The following ARHGAP32 variants were observed in gnomAD, a reference collection of about 807,000 sequenced individuals.
The protein encoded by ARHGAP32 is rho GTPase-activating protein 32.
A neutral mutation model predicts 186.5 loss-of-function variants in ARHGAP32; 51 were observed. The ratio of observed to expected loss-of-function variants is 0.27; its 90% CI spans 0.22 to 0.35. The LOEUF is 0.35. ARHGAP32 is among the 10% of genes least tolerant of loss of function. The pLI is 1.00. For synonymous variants in ARHGAP32, 950 were observed against 964.3 expected, an observed-to-expected ratio of 0.99 and a Z score of 0.27; for missense variants, 2,186 against 2,623.5, an observed-to-expected ratio of 0.83 and a Z score of 3.64.
intron 9 of ARHGAP32, among the ~76,000 whole-genome samples, chr11:129,062,897 CTTCT>C (rs1182362856): frequency 1.5e-5 from 2 of 131,988 alleles, no homozygotes; most frequent in East Asian, 4.3e-4. Flanking sequence ...GACAACTACA[CTTCT>C]TTCAATAGAT....
chr11:129,085,979 G>GC (rs1941376639), intron 6 of ARHGAP32, among the ~76,000 whole-genome samples: 2 of 147,512 alleles, frequency 1.4e-5, no homozygotes, highest in South Asian at 4.2e-4. Context: ...GGGCAACAGA[G>GC]CAAGACTCCA....
intron 5 of ARHGAP32, among the ~76,000 whole-genome samples, chr11:129,111,391 G>T (rs1201457521): frequency 1.3e-5 from 2 of 152,126 alleles, no homozygotes; most frequent in African/African-American, 4.8e-5. Context: ...TCGGATTTTG[G>T]TGTTATGCTA....
chr11:129,030,361 C>G (rs925388515), intron 11 of ARHGAP32: 5 of 151,968 alleles, frequency 3.3e-5, no homozygotes, highest in Non-Finnish European at 5.9e-5. Context: ...AAATTTAGAA[C>G]AAAACAACTG....
chr11:128,994,298 G>C (rs1030351341), intron 12 of ARHGAP32, among the ~76,000 whole-genome samples: 13 of 151,996 alleles, frequency 8.6e-5, no homozygotes, highest in African/African-American at 2.9e-4. Context: ...AGGATTACAG[G>C]CATGCACCAC....
intron 11 of ARHGAP32, among the ~76,000 whole-genome samples, chr11:129,032,959 G>C (rs1181323824): frequency 6.6e-6 from 1 of 152,166 alleles, no homozygotes; most frequent in Non-Finnish European, 1.5e-5. Context: ...AAAGGTAACT[G>C]CTATCCTAAG....
At chr11:129,047,011 C>T (rs1365817825) in intron 10 of ARHGAP32, among the ~76,000 whole-genome samples, 2 of 151,834 alleles carry the variant, frequency 1.3e-5, no homozygotes, top group Non-Finnish European at 2.9e-5. Flanking sequence ...GCCTGTAGTC[C>T]CAGCTACTTG....
chr11:129,182,428 G>C (rs1254978402), intron 1 of ARHGAP32, among the ~76,000 whole-genome samples: 2 of 151,946 alleles, frequency 1.3e-5, no homozygotes, highest in East Asian at 3.9e-4. Flanking sequence ...ATTTTTCCCA[G>C]GTCGTCATAT....
chr11:128,996,893 C>G (rs887706665), intron 12 of ARHGAP32, among the ~76,000 whole-genome samples: 1 of 152,098 alleles, frequency 6.6e-6, no homozygotes, highest in Non-Finnish European at 1.5e-5. Flanking sequence ...GATTCTCCCA[C>G]CTTGGCCTCT....
intron 1 of ARHGAP32, among the ~76,000 whole-genome samples, chr11:129,253,272 G>C (rs1945209796): frequency 6.6e-6 from 1 of 152,070 alleles, no homozygotes; most frequent in Admixed American, 6.6e-5. Flanking sequence ...TGTGAATAAG[G>C]ACATATTTTG....
intron 2 of ARHGAP32, among the ~76,000 whole-genome samples, chr11:129,148,098 A>C (rs1295792317): frequency 6.6e-6 from 1 of 152,242 alleles, no homozygotes; most frequent in Non-Finnish European, 1.5e-5. Flanking sequence ...GGTGGATAGC[A>C]GACAATGCTA....
intron 11 of ARHGAP32, among the ~76,000 whole-genome samples, chr11:129,026,339 G>T (rs1205623650): frequency 1.3e-5 from 2 of 152,184 alleles, no homozygotes; most frequent in African/African-American, 4.8e-5. Flanking sequence ...GCCATCTAGT[G>T]ACTGTGTAGG....
intron 11 of ARHGAP32, among the ~76,000 whole-genome samples, chr11:129,031,515 G>A (rs1044125272): frequency 4.6e-5 from 7 of 152,192 alleles, no homozygotes; most frequent in Non-Finnish European, 8.8e-5. Context: ...AGTGTCACTA[G>A]TGTCCATTTT....
At chr11:129,209,237 T>A (rs1019136731) in intron 1 of ARHGAP32, among the ~76,000 whole-genome samples, 1 of 152,158 alleles carries the variant, frequency 6.6e-6, no homozygotes, top group Non-Finnish European at 1.5e-5. Flanking sequence ...TCAAGCTGGT[T>A]GAGCATTCAA....
At chr11:129,273,906 T>C (rs1945501692) in intron 1 of ARHGAP32, among the ~76,000 whole-genome samples, 1 of 152,254 alleles carries the variant, frequency 6.6e-6, no homozygotes, top group South Asian at 2.1e-4. Context: ...CCATAATGAA[T>C]GGTTCACACA....
intron 6 of ARHGAP32, among the ~76,000 whole-genome samples, chr11:129,086,774 T>C (rs1276762800): frequency 1.3e-4 from 20 of 149,292 alleles, no homozygotes; most frequent in Admixed American, 1.3e-4. Context: ...TGAGCCGAGA[T>C]TGCGCCACTG....
chr11:129,161,000 A>C (rs1943517984), intron 2 of ARHGAP32, among the ~76,000 whole-genome samples: 1 of 152,144 alleles, frequency 6.6e-6, no homozygotes, highest in Admixed American at 6.6e-5. Context: ...AAATAACGCC[A>C]CACATCTACG....
chr11:129,032,844 T>C (rs1939172405), intron 11 of ARHGAP32, among the ~76,000 whole-genome samples: 1 of 152,182 alleles, frequency 6.6e-6, no homozygotes, highest in Non-Finnish European at 1.5e-5. Context: ...ATGCTCAATA[T>C]CATGACATTT....
In ARHGAP32 at chr11:129,230,879, C is replaced by T. The variant is rs377050490; in HGVS notation, c.-5+48267G>A. On this transcript the variant is annotated intron_variant, in intron 1 of 6. Transcript: ENST00000525234. The stretch of plus-strand genomic sequence containing the variant: ...GCCAGGCACGGTGGCTCACACCTGT[C>T]ATCTCATCACTTTGGGAGGCCAAGG... Among the ~76,000 whole-genome samples the T allele has an allele frequency of 2.4e-3, 369 of 152,202 alleles. 2 individuals carry two copies. In the South Asian group the frequency reaches 0.033, roughly 14 times the overall value.
chr11:129,075,903 A>C lies in ARHGAP32; in HGVS notation c.532-9035T>G, dbSNP rs141707800. On this transcript the variant is annotated intron_variant, in intron 6 of 22. Coordinates refer to ENST00000682385, the MANE Select transcript of ARHGAP32 (RefSeq NM_001378024.1). Reference sequence around the variant, plus strand: ...AGACCTACTGGGCTGCATTCCGAGGAGGTTAGGCATTCTAAGTCACAGGAT... The same window carrying C: ...AGACCTACTGGGCTGCATTCCGAGGCGGTTAGGCATTCTAAGTCACAGGAT... Among the ~76,000 whole-genome samples, 139 of 152,300 alleles carry C rather than the reference A, an allele frequency of 9.1e-4. 1 individual carries two copies. Among genetic ancestry groups the C allele is most frequent in the Non-Finnish European group, 1.9e-3 (127 of 68,026 alleles).
Sources: gnomAD v4.1 joint callset for allele counts (sites outside exome capture counted in the v4.1 genomes callset) on GRCh38, gnomAD v4.1.1 for gene constraint, MANE v1.5 for transcripts, NCBI Gene and HGNC (gene_info 2026-07-23, HGNC 2026-07-21) for gene names.